CDH18: variants seen among roughly 807,000 people sequenced by gnomAD.
CDH18 encodes the protein cadherin 18.
Under a neutral mutation model 67.9 loss-of-function variants are expected in CDH18, and 31 were observed. The ratio of observed to expected loss-of-function variants is 0.46; its 90% CI spans 0.34 to 0.62. The LOEUF (loss-of-function observed/expected upper bound fraction) is 0.62. Among genes scored for constraint, CDH18 ranks in the 20% least tolerant of loss-of-function variants. The pLI, the probability that CDH18 is intolerant of heterozygous loss-of-function variation, is 0.01. For synonymous variants in CDH18, 362 were observed against 347.2 expected, an observed-to-expected ratio of 1.04 and a Z score of -0.48; for missense variants, 890 against 975.5, an observed-to-expected ratio of 0.91 and a Z score of 1.17.
At chr5:19,967,020 T>C (rs1220379552) in intron 2 of CDH18, among the ~76,000 whole-genome samples, 2 of 151,712 alleles carry the variant, frequency 1.3e-5, no homozygotes, top group Non-Finnish European at 1.5e-5. Flanking sequence ...CAAGACCAGG[T>C]CTAGGTGACA....
intron 5 of CDH18, among the ~76,000 whole-genome samples, chr5:19,668,035 T>C (rs1199724875): frequency 6.6e-6 from 1 of 152,042 alleles, no homozygotes; most frequent in Non-Finnish European, 1.5e-5. Flanking sequence ...AACTCCTTAA[T>C]TTTCTCTCAA....
chr5:19,591,000 T>C (rs1226436212), intron 7 of CDH18, 57 bp downstream of exon 7: 6 of 1,132,914 alleles, frequency 5.3e-6, no homozygotes, highest in Non-Finnish European at 7.5e-6. Flanking sequence ...CTGCCAAATT[T>C]CCATTCAGGA....
chr5:19,746,000 T>C (rs560509391), intron 4 of CDH18, among the ~76,000 whole-genome samples: 51 of 152,198 alleles, frequency 3.4e-4, no homozygotes, highest in African/African-American at 1.2e-3. Context: ...AGAACCTCAA[T>C]CTAAAACAAT....
At chr5:19,913,492 T>C (rs1160742653) in intron 2 of CDH18, among the ~76,000 whole-genome samples, 1 of 152,156 alleles carries the variant, frequency 6.6e-6, no homozygotes, top group Non-Finnish European at 1.5e-5. Flanking sequence ...CCAGACTCTT[T>C]GGTCAAAACA....
At chr5:19,823,287 T>A (rs1780069212) in intron 3 of CDH18, among the ~76,000 whole-genome samples, 1 of 152,124 alleles carries the variant, frequency 6.6e-6, no homozygotes, top group Non-Finnish European at 1.5e-5. Flanking sequence ...GAGATTAAAG[T>A]AAAGACAGGC....
At chr5:19,529,211 C>T (rs568515371) in intron 9 of CDH18, among the ~76,000 whole-genome samples, 1 of 152,062 alleles carries the variant, frequency 6.6e-6, no homozygotes, top group Non-Finnish European at 1.5e-5. Flanking sequence ...GGTTGTTTAA[C>T]ATTTAAAAAT....
At chr5:19,931,951 A>G (rs1056296238) in intron 2 of CDH18, among the ~76,000 whole-genome samples, 1 of 151,418 alleles carries the variant, frequency 6.6e-6, no homozygotes, top group Non-Finnish European at 1.5e-5. Flanking sequence ...ATCCTATGCC[A>G]CCTCTCTTTA....
At chr5:20,159,480 A>G (rs541856175) in intron 2 of CDH18, among the ~76,000 whole-genome samples, 63 of 152,340 alleles carry the variant, frequency 4.1e-4, no homozygotes, top group Non-Finnish European at 8.1e-4. Context: ...TGAAAGATTT[A>G]TAGGTTAGAA....
At chr5:19,495,717 CAAAAAAAAA>C (rs749003068) in intron 11 of CDH18, among the ~76,000 whole-genome samples, 3 of 46,550 alleles carry the variant, frequency 6.4e-5, no homozygotes, top group African/African-American at 1.6e-4. Flanking sequence ...GAAACTGTCT[CAAAAAAAAA>C]AAAAAAAAAA....
At chr5:20,501,556 A>ATATAATATATATATATT (rs1491463446) in intron 1 of CDH18, among the ~76,000 whole-genome samples, 4 of 58,436 alleles carry the variant, frequency 6.8e-5, no homozygotes, top group Admixed American at 6.1e-4. Context: ...TTATATATAT[A>ATATAATATATATATATT]ATATATATAT....
intron 2 of CDH18, among the ~76,000 whole-genome samples, chr5:20,167,724 T>C (rs1430444680): frequency 6.6e-6 from 1 of 151,968 alleles, no homozygotes; most frequent in Non-Finnish European, 1.5e-5. Flanking sequence ...GGGAACAAGG[T>C]GGAGAAAGTA....
At chr5:20,339,175 C>A (rs925110674) in intron 1 of CDH18, among the ~76,000 whole-genome samples, 15 of 152,234 alleles carry the variant, frequency 9.9e-5, no homozygotes, top group Admixed American at 3.3e-4. Flanking sequence ...AGCCTCCACT[C>A]CCCTCAAGTG....
At chr5:19,731,227 A>C (rs1239044252) in intron 4 of CDH18, among the ~76,000 whole-genome samples, 2 of 152,132 alleles carry the variant, frequency 1.3e-5, no homozygotes, top group Non-Finnish European at 2.9e-5. Context: ...AGACGGGTGG[A>C]TCACGAGGTC....
chr5:19,689,656 C>A (rs1308071474), intron 5 of CDH18, among the ~76,000 whole-genome samples: 1 of 151,318 alleles, frequency 6.6e-6, no homozygotes, highest in Non-Finnish European at 1.5e-5. Context: ...GTTACCACTA[C>A]AAAAAAACCA....
At chr5:19,773,679 A>C (rs1359077674) in intron 3 of CDH18, among the ~76,000 whole-genome samples, 1 of 152,154 alleles carries the variant, frequency 6.6e-6, no homozygotes, top group African/African-American at 2.4e-5. Context: ...GAAGACACTA[A>C]AATGTAAGTG....
intron 2 of CDH18, among the ~76,000 whole-genome samples, chr5:20,165,011 C>G (rs1441914414): frequency 6.6e-6 from 1 of 152,026 alleles, no homozygotes; most frequent in Non-Finnish European, 1.5e-5. Context: ...ATTTAACTGC[C>G]TTTACATCTT....
At chr5:20,172,230 A>ATATATATACT (rs1554098792) in intron 2 of CDH18, among the ~76,000 whole-genome samples, 2 of 96,688 alleles carry the variant, frequency 2.1e-5, no homozygotes, top group South Asian at 3.5e-4. Context: ...ATATGTATAT[A>ATATATATACT]TATATATATG....
chr5:19,781,852 T>C (rs777177958), intron 3 of CDH18, among the ~76,000 whole-genome samples: 1 of 152,122 alleles, frequency 6.6e-6, no homozygotes, highest in East Asian at 1.9e-4. Context: ...ACATCCATAA[T>C]TTTTGGATAA....
chr5:20,517,157 A>G (rs1021610664), intron 1 of CDH18, among the ~76,000 whole-genome samples: 3 of 151,892 alleles, frequency 2.0e-5, no homozygotes, highest in African/African-American at 7.2e-5. Flanking sequence ...CAGTCAAATT[A>G]TCATCTATAT....
Sources: gnomAD v4.1 joint callset for allele counts (sites outside exome capture counted in the v4.1 genomes callset) on GRCh38, gnomAD v4.1.1 for gene constraint, MANE v1.5 for transcripts, NCBI Gene and HGNC (gene_info 2026-07-23, HGNC 2026-07-21) for gene names.